Variants in NEDD4L observed in about 807,000 individuals in gnomAD.
NEDD4L encodes the protein E3 ubiquitin-protein ligase NEDD4-like.
Under a neutral mutation model 148.9 loss-of-function variants are expected in NEDD4L, and 54 were observed. That is an observed-to-expected ratio of 0.36 (90% CI 0.29 to 0.45). NEDD4L has a LOEUF of 0.45. NEDD4L is among the 20% of genes least tolerant of loss of function. NEDD4L has a pLI of 1.00. For synonymous variants in NEDD4L, 433 were observed against 440.7 expected (o/e 0.98, Z 0.22); for missense variants, 856 against 1,233.8 (o/e 0.69, Z 4.59).
intron 2 of NEDD4L, among the ~76,000 whole-genome samples, chr18:58,237,094 A>G (rs2046123288): frequency 6.6e-6 from 1 of 152,102 alleles, no homozygotes; most frequent in Non-Finnish European, 1.5e-5. Flanking sequence ...CTCTTAATAT[A>G]TATATCGCCA....
chr18:58,062,287 T>C (rs1473133888), intron 1 of NEDD4L, among the ~76,000 whole-genome samples: 1 of 152,070 alleles, frequency 6.6e-6, no homozygotes, highest in Non-Finnish European at 1.5e-5. Context: ...ACTTCACCTG[T>C]GGAGTCTGTT....
intron 26 of NEDD4L, among the ~76,000 whole-genome samples, chr18:58,387,079 G>A (rs926982556): frequency 7.2e-5 from 11 of 152,140 alleles, no homozygotes; most frequent in African/African-American, 2.4e-4. Flanking sequence ...CCTCCAGCAC[G>A]TTATTTTTAA....
chr18:58,206,504 C>A (rs1395452856), intron 2 of NEDD4L, among the ~76,000 whole-genome samples: 1 of 152,152 alleles, frequency 6.6e-6, no homozygotes, highest in African/African-American at 2.4e-5. Context: ...TCAAATGTAA[C>A]CAGTTTATGG....
At chr18:58,285,911 G>T (rs73437239) in intron 5 of NEDD4L, among the ~76,000 whole-genome samples, 4,853 of 152,250 alleles carry the variant, frequency 0.032, 234 homozygotes, top group African/African-American at 0.11. Flanking sequence ...TCTTGCTTAC[G>T]CAATGAATAG....
At chr18:58,120,303 AG>A (rs1361600018) in intron 1 of NEDD4L, among the ~76,000 whole-genome samples, 1 of 152,168 alleles carries the variant, frequency 6.6e-6, no homozygotes, top group African/African-American at 2.4e-5. Context: ...TGGATTAGGC[AG>A]TCCTAAGTTT....
At chr18:58,196,770 C>T (rs1166821391) in intron 2 of NEDD4L, among the ~76,000 whole-genome samples, 1 of 121,396 alleles carries the variant, frequency 8.2e-6, no homozygotes, top group African/African-American at 3.1e-5. Flanking sequence ...CTCCGGTAAA[C>T]ATATAACTTG....
At chr18:58,215,438 C>T (rs888296914) in intron 2 of NEDD4L, among the ~76,000 whole-genome samples, 3 of 152,212 alleles carry the variant, frequency 2.0e-5, no homozygotes, top group Non-Finnish European at 2.9e-5. Flanking sequence ...TCACATCCTT[C>T]TGTCAATTTT....
At chr18:58,378,031 C>T (rs1225856535) in intron 24 of NEDD4L, among the ~76,000 whole-genome samples, 1 of 152,182 alleles carries the variant, frequency 6.6e-6, no homozygotes, top group Non-Finnish European at 1.5e-5. Flanking sequence ...AGGTGTGAGC[C>T]ACCGTGCTTG....
intron 26 of NEDD4L, 42 bp downstream of exon 26, chr18:58,385,628 T>C (rs2048909727): frequency 2.0e-6 from 3 of 1,526,848 alleles, no homozygotes; most frequent in Non-Finnish European, 2.7e-6. Context: ...GTGCCTCTGG[T>C]CCCGGGTCGA....
In NEDD4L at chr18:58,325,071, C is replaced by T. The variant is rs1201967752; in HGVS notation, c.589C>T (p.Pro197Ser). Reference protein sequence around the residue: ...QEELPPPPLPPGWEEKVDNLG... With the variant: ...QEELPPPPLPSGWEEKVDNLG... ...GGAACTTCCTCCTCCTCCTCTGCCT[C>T]CCGGGTGGGAAGAAAAAGTGGACAA... The change falls in exon 9 of 31, where the codon CCC (proline) becomes TCC (serine). Residue 197 changes from proline to serine, a missense_variant. Physicochemically the swap from Pro to Ser is moderately conservative, Grantham distance 74. This residue lies in a region of NEDD4L where 193 missense variants were observed against 244.2 expected (regional missense o/e 0.79). Coordinates refer to ENST00000400345, the MANE Select transcript of NEDD4L (RefSeq NM_001144967.3). 9.9e-6 allele frequency: 16 copies of T among 1,613,932 alleles called. No homozygotes were observed. Among genetic ancestry groups the T allele is most frequent in the East Asian group, 2.2e-5 (1 of 44,900 alleles).
intron 1 of NEDD4L, among the ~76,000 whole-genome samples, chr18:58,096,460 G>A (rs1337255548): frequency 6.6e-6 from 1 of 151,298 alleles, no homozygotes; most frequent in Non-Finnish European, 1.5e-5. Context: ...CTGGAGCGCA[G>A]TGGCGCAGTC....
chr18:58,214,601 C>T lies in NEDD4L; in HGVS notation c.123-30826C>T, dbSNP rs2042941335. ...GTAAGGATTCCATAAACATTAGCTGCTCGGTTTGTGTGTGTGTGTGTGTGT... is the reference window on the plus strand; with the variant it reads ...GTAAGGATTCCATAAACATTAGCTGTTCGGTTTGTGTGTGTGTGTGTGTGT... On this transcript the variant is annotated intron_variant, in intron 2 of 30. Transcript: ENST00000400345. 6.8e-5 allele frequency among the ~76,000 whole-genome samples: 5 copies of T among 73,396 alleles called. 1 individual carries two copies. The South Asian group carries it at 2.4e-3, about 35-fold the overall frequency. The allele number at this position is 73,396 out of a possible 152,430, so 48.2% of individuals were successfully genotyped here. A position where few individuals can be genotyped will look rare whatever the true frequency, so the allele number is the denominator to read the frequency against.
chr18:58,255,923 C>T, intron 5 of NEDD4L: 1 of 1,231,686 alleles, frequency 8.1e-7, no homozygotes, highest in Non-Finnish European at 1.0e-6. Context: ...GCAGATCTCC[C>T]TGCAGCGCAA....
rs60248050 is a variant in NEDD4L at position 58,077,160 on chromosome 18, C to CTTT, written c.48+32481_48+32483dup. Among the ~76,000 whole-genome samples the CTTT allele has an allele frequency of 8.0e-4, 39 of 48,918 alleles. 1 individual carries two copies. Among genetic ancestry groups the CTTT allele is most frequent in the Non-Finnish European group, 1.1e-3 (30 of 27,086 alleles). 32.1% of individuals were successfully genotyped at this position (48,918 alleles called of 152,430 possible). On this transcript the variant is annotated intron_variant, in intron 1 of 30. Coordinates refer to ENST00000400345, the MANE Select transcript of NEDD4L (RefSeq NM_001144967.3). ...GCCACCATACCCAGCCTCATAACGG[C>CTTT]TTTTTTTTTTTTTTTTTTTTTTTTT...
At chr18:58,287,290 C>T (rs183241774) in intron 5 of NEDD4L, among the ~76,000 whole-genome samples, 7 of 152,292 alleles carry the variant, frequency 4.6e-5, no homozygotes, top group Admixed American at 2.6e-4. Context: ...CAACTGCATA[C>T]TTGCTTTACA....
chr18:58,364,242 T>C, intron 19 of NEDD4L, 26 bp from the exon 20 acceptor site: 1 of 1,378,078 alleles, frequency 7.3e-7, no homozygotes, highest in South Asian at 1.3e-5. Context: ...GTTTGCATTA[T>C]CTATATTTAT....
intron 1 of NEDD4L, among the ~76,000 whole-genome samples, chr18:58,136,079 G>C (rs555093766): frequency 2.4e-4 from 37 of 152,248 alleles, no homozygotes; most frequent in African/African-American, 8.9e-4. Flanking sequence ...GAAACTTTTT[G>C]TGGCTTAGAG....
intron 1 of NEDD4L, among the ~76,000 whole-genome samples, chr18:58,162,007 C>T (rs950486405): frequency 1.3e-5 from 2 of 152,096 alleles, no homozygotes; most frequent in Admixed American, 1.3e-4. Flanking sequence ...GTTTGTAACT[C>T]AATTTTATAA....
At chr18:58,228,811 C>T (rs1158820046) in intron 2 of NEDD4L, among the ~76,000 whole-genome samples, 1 of 152,188 alleles carries the variant, frequency 6.6e-6, no homozygotes, top group Admixed American at 6.5e-5. Context: ...CCACATACAA[C>T]TTGATATTCC....
Sources: gnomAD v4.1 joint callset for allele counts (sites outside exome capture counted in the v4.1 genomes callset) on GRCh38, gnomAD v4.1.1 for gene constraint, gnomAD v4.1.1 regional missense constraint, MANE v1.5 for transcripts, NCBI Gene and HGNC (gene_info 2026-07-23, HGNC 2026-07-21) for gene names.